Variants in MANBA observed in about 807,000 individuals in gnomAD.
MANBA encodes the protein mannosidase beta.
A neutral mutation model predicts 111.1 loss-of-function variants in MANBA; 83 were observed. That is an observed-to-expected ratio of 0.75 (90% CI 0.63 to 0.90). The LOEUF (loss-of-function observed/expected upper bound fraction) is 0.90, where lower values mean the gene tolerates loss of function less well. Among genes scored for constraint, MANBA ranks in the 40% least tolerant of loss-of-function variants. MANBA has a pLI of 0.00. For missense variants in MANBA, 1,036 were observed against 1,069.0 expected, an observed-to-expected ratio of 0.97 and a Z score of 0.43; for synonymous variants, 370 against 378.7, an observed-to-expected ratio of 0.98 and a Z score of 0.27.
intron 5 of MANBA, among the ~76,000 whole-genome samples, chr4:102,691,462 AG>A (rs1453322580): frequency 6.6e-6 from 1 of 151,988 alleles, no homozygotes; most frequent in Non-Finnish European, 1.5e-5. Context: ...GACATCAGAA[AG>A]CACAGCTAAT....
chr4:102,664,431 C>T (rs1414899241), intron 11 of MANBA, among the ~76,000 whole-genome samples: 1 of 151,890 alleles, frequency 6.6e-6, no homozygotes, highest in African/African-American at 2.4e-5. Context: ...TCACTGCAAG[C>T]TCTACCTTCC....
chr4:102,743,535 C>A (rs1723486313), intron 1 of MANBA, among the ~76,000 whole-genome samples: 1 of 152,182 alleles, frequency 6.6e-6, no homozygotes, highest in African/African-American at 2.4e-5. Context: ...AGGGAACTCC[C>A]CATGAGGCCA....
intron 9 of MANBA, among the ~76,000 whole-genome samples, chr4:102,669,914 A>C (rs1721199811): frequency 1.3e-5 from 2 of 152,082 alleles, no homozygotes; most frequent in African/African-American, 4.8e-5. Context: ...CAGGAGGCAG[A>C]GCTTGCAGTG....
At chr4:102,691,310 C>G (rs141807417) in intron 5 of MANBA, among the ~76,000 whole-genome samples, 260 of 152,112 alleles carry the variant, frequency 1.7e-3, no homozygotes, top group African/African-American at 5.8e-3. Flanking sequence ...GTGCCATATA[C>G]TCTGCTAAGT....
intron 7 of MANBA, among the ~76,000 whole-genome samples, chr4:102,680,240 A>G (rs1731902722): frequency 6.6e-6 from 1 of 152,208 alleles, no homozygotes; most frequent in Admixed American, 6.5e-5. Flanking sequence ...CTTATCTTCA[A>G]AGAAGAATTT....
intron 1 of MANBA, among the ~76,000 whole-genome samples, chr4:102,732,200 C>T (rs1275060480): frequency 2.6e-5 from 4 of 152,118 alleles, no homozygotes; most frequent in African/African-American, 7.2e-5. Context: ...CATGAGCCAC[C>T]GCATCTGGAC....
At chr4:102,697,301 TA>T (rs952408560) in intron 5 of MANBA, among the ~76,000 whole-genome samples, 41 of 152,288 alleles carry the variant, frequency 2.7e-4, no homozygotes, top group African/African-American at 8.9e-4. Context: ...ATGAATGCAT[TA>T]AAAAATGCAT....
intron 5 of MANBA, among the ~76,000 whole-genome samples, chr4:102,712,053 AGAAGAGAGGACTTGAAATATT>A (rs1722091064): frequency 6.6e-6 from 1 of 152,254 alleles, no homozygotes; most frequent in Admixed American, 6.5e-5. Flanking sequence ...CAAAATAGCT[AGAAGAGAGGACTTGAAATATT>A]CCCAACATAG....
chr4:102,746,149 CA>C (rs1225066940), intron 1 of MANBA, among the ~76,000 whole-genome samples: 1 of 151,976 alleles, frequency 6.6e-6, no homozygotes, highest in Non-Finnish European at 1.5e-5. Context: ...TTTCTTCTGG[CA>C]AAAAAGGTTC....
intron 5 of MANBA, among the ~76,000 whole-genome samples, chr4:102,712,239 G>C (rs563283112): frequency 6.6e-6 from 1 of 152,274 alleles, no homozygotes; most frequent in South Asian, 2.1e-4. Context: ...CACCAATGTA[G>C]TTGAGAGGAG....
At chr4:102,739,293 G>A (rs958349328) in intron 1 of MANBA, among the ~76,000 whole-genome samples, 8 of 152,106 alleles carry the variant, frequency 5.3e-5, no homozygotes, top group African/African-American at 1.9e-4. Flanking sequence ...ACAAGTAGTG[G>A]TGTTGAAAGA....
chr4:102,729,167 T>C, intron 1 of MANBA: 1 of 724,132 alleles, frequency 1.4e-6, no homozygotes. Flanking sequence ...CAGACATCTG[T>C]GATGGTGCCC....
At chr4:102,632,769 C>T (rs1077358) in intron 16 of MANBA, among the ~76,000 whole-genome samples, 83,215 of 151,726 alleles carry the variant, frequency 0.55, 23,223 homozygotes, top group African/African-American at 0.63. Context: ...ATCTCTTTTA[C>T]TGCATAGTTA....
At chr4:102,749,957 G>C (rs1002028842) in intron 1 of MANBA, among the ~76,000 whole-genome samples, 12 of 152,146 alleles carry the variant, frequency 7.9e-5, no homozygotes, top group African/African-American at 2.4e-4. Flanking sequence ...ACCTCATGTG[G>C]CATCAAACAA....
At chr4:102,656,899 G>A (rs1354925482) in intron 12 of MANBA, among the ~76,000 whole-genome samples, 1 of 152,104 alleles carries the variant, frequency 6.6e-6, no homozygotes, top group East Asian at 1.9e-4. Context: ...AAGTAGATTC[G>A]TAGTGCCTAA....
chr4:102,748,549 T>G (rs894642199), intron 1 of MANBA, among the ~76,000 whole-genome samples: 3 of 152,204 alleles, frequency 2.0e-5, no homozygotes, highest in African/African-American at 7.2e-5. Flanking sequence ...CGGTTAATCA[T>G]GGTTGTTTCT....
intron 13 of MANBA, among the ~76,000 whole-genome samples, chr4:102,648,727 T>A (rs976729173): frequency 6.6e-6 from 1 of 152,126 alleles, no homozygotes; most frequent in Non-Finnish European, 1.5e-5. Flanking sequence ...GATATGTCCA[T>A]CAAAACTTGA....
intron 7 of MANBA, among the ~76,000 whole-genome samples, chr4:102,678,719 G>C (rs2110231071): frequency 6.6e-6 from 1 of 152,210 alleles, no homozygotes; most frequent in Middle Eastern, 3.4e-3. Context: ...CAAAATAGAA[G>C]GATTAACTTT....
At chr4:102,727,730 T>A in intron 1 of MANBA, 1 of 887,104 alleles carries the variant, frequency 1.1e-6, no homozygotes, top group Non-Finnish European at 1.9e-6. Context: ...AGATGGTGCC[T>A]TCTGGCATAG....
Sources: allele counts gnomAD v4.1 joint callset (sites outside exome capture counted in the v4.1 genomes callset), GRCh38; gene constraint gnomAD v4.1.1; transcripts MANE v1.5; gene names NCBI Gene and HGNC (gene_info 2026-07-23, HGNC 2026-07-21).